The following TMEM178B variants were observed in gnomAD, a reference collection of about 807,000 sequenced individuals.
The protein encoded by TMEM178B is transmembrane protein 178B.
In TMEM178B, 5 loss-of-function variants were observed where a neutral mutation model predicts 31.0. The observed-to-expected ratio is 0.16, with a 90% confidence interval of 0.08 to 0.34. TMEM178B has a LOEUF of 0.34. TMEM178B is among the 10% of genes least tolerant of loss of function. The probability of loss-of-function intolerance (pLI) is 1.00; values close to 1 mark genes in which losing one functional copy is unlikely to be tolerated. For synonymous variants in TMEM178B, 164 were observed against 164.0 expected (o/e 1.00, Z 0.00); for missense variants, 275 against 400.3 (o/e 0.69, Z 2.67).
chr7:141,135,251 A>G (rs1301106896), intron 1 of TMEM178B, among the ~76,000 whole-genome samples: 1 of 152,230 alleles, frequency 6.6e-6, no homozygotes, highest in Non-Finnish European at 1.5e-5. Context: ...TTAAATTTAA[A>G]GGGAGAGAGA....
chr7:141,240,975 T>C (rs1411803327), intron 2 of TMEM178B, among the ~76,000 whole-genome samples: 2 of 150,090 alleles, frequency 1.3e-5, no homozygotes, highest in African/African-American at 2.5e-5. Context: ...ATTGAGAACA[T>C]TGTCATGTCC....
chr7:141,248,560 A>T (rs189687407), intron 2 of TMEM178B, among the ~76,000 whole-genome samples: 3 of 152,360 alleles, frequency 2.0e-5, no homozygotes, highest in Admixed American at 2.0e-4. Context: ...TACATGATAT[A>T]GCCCATTGCT....
Position 141,318,595 on chromosome 7 carries a change from G to A in TMEM178B, c.496+105891G>A, listed in dbSNP as rs1034680046. ...AAATATTCCTCATCTCTTCAAACCCGTGCTGTGTTGCCCAGTTGTTTGATA... is the reference window on the plus strand; with the variant it reads ...AAATATTCCTCATCTCTTCAAACCCATGCTGTGTTGCCCAGTTGTTTGATA... On this transcript the variant is annotated intron_variant, in intron 2 of 3. Transcript: ENST00000565468. The surrounding 1 kb of genome is among the most constrained non-coding windows in gnomAD (Gnocchi z 4.1). Among the ~76,000 whole-genome samples, 2 of 152,116 alleles carry A rather than the reference G, an allele frequency of 1.3e-5. No homozygotes were observed. Among genetic ancestry groups the A allele is most frequent in the Non-Finnish European group, 2.9e-5 (2 of 68,016 alleles).
At chr7:141,438,291 A>G (rs1013971196) in intron 3 of TMEM178B, among the ~76,000 whole-genome samples, 2 of 152,116 alleles carry the variant, frequency 1.3e-5, no homozygotes, top group African/African-American at 2.4e-5. Context: ...CGTCATGTGC[A>G]TAGGACCACT....
Position 141,473,176 on chromosome 7 carries a change from G to A in TMEM178B, c.*2390G>A, listed in dbSNP as rs897483161. The A allele has an allele frequency of 6.6e-6, 1 of 152,164 alleles. No homozygotes were observed. The highest frequency in any genetic ancestry group is 1.5e-5 in the Non-Finnish European group (1 of 68,018). 9.4% of individuals were successfully genotyped at this position (152,164 alleles called of 1,614,324 possible). ...GGGCATTTTATTTCTAATTTTCTTT[G>A]AAAAGTTAGATTTCTCCCTTAAGGG... On this transcript the variant is annotated 3_prime_UTR_variant, in exon 4 of 4. Coordinates refer to ENST00000565468, the MANE Select transcript of TMEM178B (RefSeq NM_001195278.2).
At chr7:141,485,499 A>G in the TMEM178B span, among the ~76,000 whole-genome samples, 1 of 152,218 alleles carries the variant, frequency 6.6e-6, no homozygotes, top group African/African-American at 2.4e-5. Context: ...TCTCAGCCAC[A>G]TGCTTAAAAC....
intron 2 of TMEM178B, among the ~76,000 whole-genome samples, chr7:141,396,382 C>G (rs1800638749): frequency 6.6e-6 from 1 of 152,356 alleles, no homozygotes; most frequent in South Asian, 2.1e-4. Flanking sequence ...CACTCGCCTG[C>G]CTTTTTCCCA....
chr7:141,175,227 C>T (rs768643304), intron 1 of TMEM178B, among the ~76,000 whole-genome samples: 4 of 152,200 alleles, frequency 2.6e-5, no homozygotes, highest in South Asian at 4.2e-4. Context: ...GAATCCTTTC[C>T]CCATTGCTTG....
At chr7:141,230,642 T>G (rs1355206140) in intron 2 of TMEM178B, among the ~76,000 whole-genome samples, 1 of 152,132 alleles carries the variant, frequency 6.6e-6, no homozygotes. Context: ...AAAAAATTTA[T>G]TTTTTAATTT....
chr7:141,499,464 CAAAAAAAAAAAA>C, the TMEM178B span, among the ~76,000 whole-genome samples: 3 of 50,716 alleles, frequency 5.9e-5, no homozygotes, highest in African/African-American at 1.7e-4. Flanking sequence ...CACATCTCTA[CAAAAAAAAAAAA>C]AAAAAAAAAA....
chr7:141,304,867 G>A (rs76520397), intron 2 of TMEM178B, among the ~76,000 whole-genome samples: 9,405 of 152,204 alleles, frequency 0.062, 448 homozygotes, highest in African/African-American at 0.13. Flanking sequence ...CAATGTCACT[G>A]GCATCCATCT....
At chr7:141,392,403 T>C (rs994733408) in intron 2 of TMEM178B, among the ~76,000 whole-genome samples, 2 of 152,188 alleles carry the variant, frequency 1.3e-5, no homozygotes, top group Non-Finnish European at 2.9e-5. Context: ...AGTGCTAATA[T>C]TTTGCCATAT....
chr7:141,154,010 A>G (rs1296559949), intron 1 of TMEM178B, among the ~76,000 whole-genome samples: 1 of 152,198 alleles, frequency 6.6e-6, no homozygotes, highest in Non-Finnish European at 1.5e-5. Context: ...GTCTTGATGA[A>G]TATTTATTCA....
intron 2 of TMEM178B, among the ~76,000 whole-genome samples, chr7:141,348,033 A>G (rs1400433915): frequency 2.0e-5 from 3 of 152,250 alleles, no homozygotes; most frequent in Admixed American, 1.3e-4. Context: ...AAAAGGGTTT[A>G]GACAGATCTA....
At chr7:141,108,130 A>G (rs1347027526) in intron 1 of TMEM178B, among the ~76,000 whole-genome samples, 2 of 152,202 alleles carry the variant, frequency 1.3e-5, no homozygotes, top group Non-Finnish European at 2.9e-5. Flanking sequence ...TCATGAGAAG[A>G]TGGAAGGAGA....
At chr7:141,363,377 A>G (rs1799950235) in intron 2 of TMEM178B, among the ~76,000 whole-genome samples, 1 of 152,188 alleles carries the variant, frequency 6.6e-6, no homozygotes, top group Non-Finnish European at 1.5e-5. Context: ...AAGATATCGT[A>G]ACTTAGTTCA....
intron 2 of TMEM178B, among the ~76,000 whole-genome samples, chr7:141,247,224 C>T (rs944792894): frequency 2.0e-5 from 3 of 151,832 alleles, no homozygotes; most frequent in African/African-American, 4.8e-5. Flanking sequence ...CACACACACA[C>T]ACACAATTCA....
intron 1 of TMEM178B, among the ~76,000 whole-genome samples, chr7:141,110,083 G>A (rs1264425354): frequency 6.6e-6 from 1 of 152,072 alleles, no homozygotes; most frequent in African/African-American, 2.4e-5. Context: ...AAAGGTACAT[G>A]GTAGGAAAAG....
chr7:141,238,141 C>T (rs1797559547), intron 2 of TMEM178B, among the ~76,000 whole-genome samples: 1 of 152,014 alleles, frequency 6.6e-6, no homozygotes, highest in African/African-American at 2.4e-5. Context: ...AGTGGAGGCT[C>T]ATGCTCAGGA....
Sources: gnomAD v4.1 joint callset for allele counts (sites outside exome capture counted in the v4.1 genomes callset) on GRCh38, gnomAD v4.1.1 for gene constraint, Gnocchi (gnomAD v3.1) non-coding constraint, MANE v1.5 for transcripts, NCBI Gene and HGNC (gene_info 2026-07-23, HGNC 2026-07-21) for gene names.